EFL1: variants seen among roughly 807,000 people sequenced by gnomAD.
EFL1 encodes elongation factor like GTPase 1.
A neutral mutation model predicts 126.7 loss-of-function variants in EFL1; 76 were observed. The observed-to-expected ratio is 0.60, with a 90% CI of 0.50 to 0.73. The LOEUF is 0.73. EFL1 is among the 30% of genes least tolerant of loss of function. EFL1 has a pLI of 0.00. For synonymous variants in EFL1, 410 were observed against 448.4 expected, an observed-to-expected ratio of 0.91 and a Z score of 1.08; for missense variants, 1,128 against 1,343.2, an observed-to-expected ratio of 0.84 and a Z score of 2.50.
intron 12 of EFL1, among the ~76,000 whole-genome samples, chr15:82,221,081 T>C (rs147397517): frequency 2.0e-3 from 310 of 152,288 alleles, no homozygotes; most frequent in African/African-American, 7.0e-3. Flanking sequence ...AACAGCATCT[T>C]CTGCCCTATA....
chr15:82,166,119 C>T (rs1303048754), intron 15 of EFL1, among the ~76,000 whole-genome samples: 1 of 152,180 alleles, frequency 6.6e-6, no homozygotes, highest in African/African-American at 2.4e-5. Context: ...CCCTTTCAAA[C>T]CTCATCCATC....
chr15:82,259,293 G>C, intron 2 of EFL1, 138 bp from the exon 3 acceptor site: 1 of 724,208 alleles, frequency 1.4e-6, no homozygotes, highest in Non-Finnish European at 2.4e-6. Flanking sequence ...TGACAAAAGA[G>C]ATTTATTAGA....
At position 82,262,614 on chromosome 15, in the gene EFL1, C is replaced by A. The variant is rs1361235479; in HGVS notation, c.-20G>T. The A allele has an allele frequency of 4.9e-6, 2 of 407,134 alleles. No individual in the cohort carries two copies. Among genetic ancestry groups the A allele is most frequent in the Non-Finnish European group, 8.8e-6 (2 of 227,880 alleles). 25.2% of individuals were successfully genotyped at this position (407,134 alleles called of 1,614,324 possible). A position where few individuals can be genotyped will look rare whatever the true frequency, so the allele number is the denominator to read the frequency against. Reference sequence around the variant, plus strand: ...GCCCCCAGCGCCAGCCCACACTCACCGGCTGCAGCAGCCCCACCAGCCCCG... The same window carrying A: ...GCCCCCAGCGCCAGCCCACACTCACAGGCTGCAGCAGCCCCACCAGCCCCG... On this transcript the variant is annotated splice_region_variant and 5_prime_UTR_variant, in exon 1 of 20. Transcript: ENST00000268206.
At chr15:82,169,926 T>C (rs1001201990) in intron 15 of EFL1, among the ~76,000 whole-genome samples, 1 of 152,154 alleles carries the variant, frequency 6.6e-6, no homozygotes, top group Non-Finnish European at 1.5e-5. Context: ...AAATACACAG[T>C]TAATTACGAT....
At chr15:82,146,782 T>C (rs2073851085) in intron 18 of EFL1, among the ~76,000 whole-genome samples, 1 of 152,058 alleles carries the variant, frequency 6.6e-6, no homozygotes, top group Admixed American at 6.6e-5. Flanking sequence ...GGTAAATAAA[T>C]GGGGCTTCAT....
At chr15:82,261,969 T>C in intron 1 of EFL1, 172 bp from the exon 2 acceptor site, 1 of 552,528 alleles carries the variant, frequency 1.8e-6, no homozygotes, top group Non-Finnish European at 3.2e-6. Context: ...GTTCGAGCAC[T>C]AAAGTCAGTA....
In EFL1 at chr15:82,209,304, CACACAG is replaced by C. The variant is rs71156030; in HGVS notation, c.1750+5407_1750+5412del. On this transcript the variant is annotated intron_variant, in intron 15 of 19. Transcript: ENST00000268206. Reference sequence around the variant, plus strand: ...GTTACCCCACATGACTAAGGATTCACACACAGACACAGACACACACACACACACACA... The same window carrying C: ...GTTACCCCACATGACTAAGGATTCACACACAGACACACACACACACACACA... 8.1e-4 allele frequency among the ~76,000 whole-genome samples: 105 copies of C among 130,406 alleles called. 3 individuals carry two copies. The highest frequency in any genetic ancestry group is 4.7e-3 in the Admixed American group (58 of 12,322). The allele number at this position is 130,406 out of a possible 152,430, so 85.6% of individuals were successfully genotyped here. A position where few individuals can be genotyped will look rare whatever the true frequency, so the allele number is the denominator to read the frequency against.
At chr15:82,235,803 A>G (rs2141321386) in intron 7 of EFL1, among the ~76,000 whole-genome samples, 1 of 152,236 alleles carries the variant, frequency 6.6e-6, no homozygotes, top group East Asian at 1.9e-4. Flanking sequence ...AAGGATGCCC[A>G]CTCCCATCAA....
At position 82,168,503 on chromosome 15, in the gene EFL1, T is replaced by C. The variant is rs940195532; in HGVS notation, c.1751-4519A>G. Reference sequence around the variant, plus strand: ...TTCTCATAGGAACAGACTGAGCTAATAACAGTTTTCTGTCTGTTTGTTTTT... The same window carrying C: ...TTCTCATAGGAACAGACTGAGCTAACAACAGTTTTCTGTCTGTTTGTTTTT... On this transcript the variant is annotated intron_variant, in intron 15 of 19. Transcript: ENST00000268206. Among the ~76,000 whole-genome samples, 6 of 152,218 alleles carry C rather than the reference T, an allele frequency of 3.9e-5. No homozygotes were observed. The East Asian group carries it at 7.7e-4, about 20-fold the overall frequency.
chr15:82,192,843 AAAAG>A (rs34352552), intron 15 of EFL1, among the ~76,000 whole-genome samples: 11,359 of 152,026 alleles, frequency 0.075, 723 homozygotes, highest in East Asian at 0.34. Context: ...TTTTATTAAA[AAAAG>A]AAAGAAAGAA....
intron 15 of EFL1, among the ~76,000 whole-genome samples, chr15:82,194,401 C>G (rs7164362): frequency 0.7 from 105,834 of 152,082 alleles, 38,382 homozygotes; most frequent in African/African-American, 0.9. Context: ...TCTTAAATTG[C>G]TAGGACACAA....
At chr15:82,133,322 T>C (rs1429203356) in intron 19 of EFL1, among the ~76,000 whole-genome samples, 1 of 152,190 alleles carries the variant, frequency 6.6e-6, no homozygotes, top group African/African-American at 2.4e-5. Context: ...TATCAACTGA[T>C]ACAGGGTTGT....
chr15:82,202,851 G>T (rs1167488364), intron 15 of EFL1, among the ~76,000 whole-genome samples: 3 of 147,448 alleles, frequency 2.0e-5, no homozygotes, highest in African/African-American at 7.6e-5. Context: ...TTGCTCTGTC[G>T]TCCAGGCTGA....
rs1296699020 is a variant in EFL1, at chr15:82,228,320, C to A, written c.940G>T (p.Asp314Tyr). ...LYDAVLKKDK[D>Y]KIDKIVTSLG... ...GAAGTCACTATTTTATCAATTTTGT[C>A]TTTGTCCCTGTGGTAAACACAAGAT... Residue 314 changes from aspartate (D) to tyrosine (Y), a missense_variant, in exon 10 of 20, where the codon GAC (aspartate) becomes TAC (tyrosine). Asp to Tyr is a radical substitution (Grantham distance 160). Transcript: ENST00000268206. The A allele has an allele frequency of 6.2e-7, 1 of 1,613,414 alleles. No homozygotes were observed. The highest frequency in any genetic ancestry group is 2.2e-5 in the East Asian group (1 of 44,852).
chr15:82,152,476 A>G, intron 17 of EFL1, 53 bp from the exon 18 acceptor site: 1 of 1,458,244 alleles, frequency 6.9e-7, no homozygotes, highest in Admixed American at 2.1e-5. Context: ...AATAGCATCA[A>G]AGCTCCTGTG....
At position 82,220,111 on chromosome 15, in the gene EFL1, T is replaced by C. The variant is rs2074694885; in HGVS notation, c.1411A>G (p.Ile471Val). Residue 471 changes from isoleucine to valine, a missense_variant, in exon 13 of 20, where the codon ATT becomes GTT. By Grantham distance (29) the Ile-to-Val change is conservative. This residue lies in a region of EFL1 where 120 missense variants were observed against 142.1 expected (regional missense o/e 0.84). Transcript: ENST00000268206. The part of the protein sequence containing the change: ...PLEPTQDGSA[I>V]ETCPKGEEPR... ...TCCTCTCCTTTTGGACATGTTTCAA[T>C]GGCACTCCCATCTTGGGTGGGCTCC... The C allele has an allele frequency of 6.2e-7, 1 of 1,612,976 alleles. No individual in the cohort carries two copies. The highest frequency in any genetic ancestry group is 1.3e-5 in the African/African-American group (1 of 74,934).
intron 18 of EFL1, among the ~76,000 whole-genome samples, chr15:82,143,221 G>T (rs2073807932): frequency 6.6e-6 from 1 of 151,978 alleles, no homozygotes. Flanking sequence ...TACACGCAGA[G>T]GTTAAAATGA....
chr15:82,158,028 AT>A (rs1293374542), intron 16 of EFL1, among the ~76,000 whole-genome samples, 168 bp from the exon 17 acceptor site: 1 of 152,158 alleles, frequency 6.6e-6, no homozygotes, highest in East Asian at 1.9e-4. Context: ...CCTTCTAGTA[AT>A]TTTTTTGTAC....
chr15:82,223,532 A>G (rs780561115), intron 12 of EFL1, among the ~76,000 whole-genome samples: 1 of 152,234 alleles, frequency 6.6e-6, no homozygotes, highest in Non-Finnish European at 1.5e-5. Flanking sequence ...AGGCATAATA[A>G]TACTATTATT....
Sources: allele counts gnomAD v4.1 joint callset (sites outside exome capture counted in the v4.1 genomes callset), GRCh38; gene constraint gnomAD v4.1.1; regional missense constraint gnomAD v4.1.1; transcripts MANE v1.5; gene names NCBI Gene and HGNC (gene_info 2026-07-23, HGNC 2026-07-21).